PCDHA6: variants seen among roughly 807,000 people sequenced by gnomAD.
The protein encoded by PCDHA6 is protocadherin alpha-6.
Under a neutral mutation model 60.3 loss-of-function variants are expected in PCDHA6, and 55 were observed. The ratio of observed to expected loss-of-function variants is 0.91; its 90% confidence interval spans 0.73 to 1.14. The LOEUF is 1.14. Among genes scored for constraint, PCDHA6 ranks in the 50% most tolerant of loss-of-function variants. PCDHA6 has a pLI of 0.00. For missense variants in PCDHA6, 1,327 were observed against 1,256.5 expected, an observed-to-expected ratio of 1.06 and a Z score of -0.85; for synonymous variants, 652 against 557.9, an observed-to-expected ratio of 1.17 and a Z score of -2.38.
chr5:140,844,721 G>A (rs2150373473), intron 1 of PCDHA6, among the ~76,000 whole-genome samples: 7 of 149,390 alleles, frequency 4.7e-5, no homozygotes, highest in African/African-American at 1.5e-4. Flanking sequence ...CCATTAGTTC[G>A]TGTAAAAATA....
chr5:140,997,375 G>A (rs983164883), intron 3 of PCDHA6, among the ~76,000 whole-genome samples: 1 of 152,066 alleles, frequency 6.6e-6, no homozygotes, highest in Non-Finnish European at 1.5e-5. Flanking sequence ...AGATGATATA[G>A]CATACTACAC....
chr5:140,944,929 C>T (rs1387660974), intron 1 of PCDHA6, among the ~76,000 whole-genome samples: 1 of 152,052 alleles, frequency 6.6e-6, no homozygotes, highest in Non-Finnish European at 1.5e-5. Flanking sequence ...TGGTTTATGC[C>T]TTCTTTAGAT....
rs201142330 is a variant in PCDHA6 at position 140,828,241 on chromosome 5, G to A, written c.150G>A (p.Gln50=). The change falls in exon 1 of 4, where the codon CAG becomes CAA. Residue 50 remains glutamine, a synonymous_variant. Transcript: ENST00000529310. ...GCACCTTCGTGGGCCGGATCGCGCA[G>A]GACCTGGGGCTGGAGCTGGCGGAGC... is the stretch of plus-strand genomic sequence containing the variant. ...KHGTFVGRIA[Q]DLGLELAELV... The A allele has an allele frequency of 1.2e-5, 20 of 1,613,960 alleles. No individual in the cohort carries two copies. The highest frequency in any genetic ancestry group is 6.7e-5 in the East Asian group (3 of 44,892).
chr5:140,918,006 TG>T (rs1358735901), intron 1 of PCDHA6, among the ~76,000 whole-genome samples: 6 of 152,208 alleles, frequency 3.9e-5, no homozygotes, highest in Non-Finnish European at 7.3e-5. Flanking sequence ...TTAACAATGT[TG>T]TTTCTTCCTA....
chr5:140,998,042 C>T (rs187874119), intron 3 of PCDHA6, among the ~76,000 whole-genome samples: 21 of 152,284 alleles, frequency 1.4e-4, no homozygotes, highest in Non-Finnish European at 2.2e-4. Flanking sequence ...TGTCACTTAA[C>T]TCAGTGACAT....
chr5:140,967,472 G>A, intron 1 of PCDHA6: 1 of 1,613,430 alleles, frequency 6.2e-7, no homozygotes, highest in Non-Finnish European at 8.5e-7. Flanking sequence ...GGGCATCCCA[G>A]CCCGCTCGGG....
rs1770730087 is a variant in PCDHA6 at position 140,829,988 on chromosome 5, A to C, written c.1897A>C (p.Thr633Pro). Residue 633 changes from threonine to proline, a missense_variant, in exon 1 of 4, where the codon ACC becomes CCC. Thr to Pro is a conservative substitution (Grantham distance 38). Transcript: ENST00000529310. ...RVGLYTGEISTTRVLDEADSP... is the reference protein window; with the variant it reads ...RVGLYTGEISPTRVLDEADSP... ...GGGGCTGTACACGGGCGAGATCAGC[A>C]CCACTCGTGTCCTGGACGAAGCGGA... The C allele has an allele frequency of 1.9e-6, 3 of 1,613,924 alleles. No individual in the cohort carries two copies. The highest frequency in any genetic ancestry group is 2.5e-6 in the Non-Finnish European group (3 of 1,179,910).
At chr5:140,943,927 A>G (rs1407165466) in intron 1 of PCDHA6, among the ~76,000 whole-genome samples, 2 of 152,236 alleles carry the variant, frequency 1.3e-5, no homozygotes, top group East Asian at 1.9e-4. Flanking sequence ...GAGCAGCTTT[A>G]GAAGTGTGGT....
At chr5:141,009,150 G>T (rs1588228136) in intron 3 of PCDHA6, among the ~76,000 whole-genome samples, 1 of 152,300 alleles carries the variant, frequency 6.6e-6, no homozygotes, top group African/African-American at 2.4e-5. Context: ...CTGCCCTCTT[G>T]CTTGTCTGTA....
chr5:140,846,031 G>A lies in PCDHA6; in HGVS notation c.2394+15546G>A, dbSNP rs2150383784. On this transcript the variant is annotated intron_variant, in intron 1 of 3. Coordinates refer to ENST00000529310, the MANE Select transcript of PCDHA6 (RefSeq NM_018909.4). ...AATCTAAAAGTTATTACGAGTTTAG[G>A]AAAGTCAAGTTAACACCACCTATGT... 1.1e-4 allele frequency among the ~76,000 whole-genome samples: 16 copies of A among 149,690 alleles called. 2 individuals carry two copies. The highest frequency in any genetic ancestry group is 2.4e-4 in the Non-Finnish European group (16 of 66,844).
intron 1 of PCDHA6, among the ~76,000 whole-genome samples, chr5:140,918,383 C>A (rs1227959801): frequency 4.6e-5 from 7 of 152,124 alleles, no homozygotes. Flanking sequence ...CCTTTTATTT[C>A]TTTCTCTTGC....
At chr5:140,870,919 C>A in intron 1 of PCDHA6, 1 of 1,613,952 alleles carries the variant, frequency 6.2e-7, no homozygotes. Context: ...CAACGCGTGG[C>A]TTTCATATGA....
At chr5:140,918,241 G>C (rs1241592397) in intron 1 of PCDHA6, among the ~76,000 whole-genome samples, 4 of 152,162 alleles carry the variant, frequency 2.6e-5, no homozygotes, top group Admixed American at 1.3e-4. Flanking sequence ...CATTGATTTT[G>C]TATGCTGAAA....
At chr5:140,940,497 C>T (rs1314378548) in intron 1 of PCDHA6, among the ~76,000 whole-genome samples, 1 of 151,818 alleles carries the variant, frequency 6.6e-6, no homozygotes, top group Non-Finnish European at 1.5e-5. Context: ...AAGTCTTGCT[C>T]CGTCGCTCAG....
At chr5:140,857,718 A>G in intron 1 of PCDHA6, 1 of 1,597,160 alleles carries the variant, frequency 6.3e-7, no homozygotes, top group Non-Finnish European at 8.6e-7. Context: ...GTGCTGGACG[A>G]GAACGACAAC....
chr5:140,829,211 G>T lies in PCDHA6; in HGVS notation c.1120G>T (p.Val374Leu). The T allele has an allele frequency of 1.2e-6, 2 of 1,614,206 alleles. No individual in the cohort carries two copies. The highest frequency in any genetic ancestry group is 1.7e-6 in the Non-Finnish European group (2 of 1,180,042). ...TGGTACTGTCATCGCCCTAATTAGCGTGAACGACCTCGATTCAGGTGCCAA... is the reference window on the plus strand; with the variant it reads ...TGGTACTGTCATCGCCCTAATTAGCTTGAACGACCTCGATTCAGGTGCCAA... ...QFGTVIALISVNDLDSGANGQ... is the reference protein window; with the variant it reads ...QFGTVIALISLNDLDSGANGQ... Residue 374 changes from valine to leucine, a missense_variant, in exon 1 of 4, where the codon GTG (valine) becomes TTG (leucine). By Grantham distance (32) the Val-to-Leu change is conservative. Coordinates refer to ENST00000529310, the MANE Select transcript of PCDHA6 (RefSeq NM_018909.4).
At position 140,843,439 on chromosome 5, in the gene PCDHA6, G is replaced by C. The variant is rs2150360020; in HGVS notation, c.2394+12954G>C. On this transcript the variant is annotated intron_variant, in intron 1 of 3. Transcript: ENST00000529310. The stretch of plus-strand genomic sequence containing the variant: ...TGTACCTGATCATCGCCATCTGCGC[G>C]GTATCCAGCCTGCTGGTGCTCACGC... The C allele has an allele frequency of 5.1e-5, 82 of 1,595,976 alleles. 7 individuals carry two copies. In the South Asian group the frequency reaches 8.6e-4, roughly 17 times the overall value.
intron 1 of PCDHA6, among the ~76,000 whole-genome samples, chr5:140,939,170 A>G (rs1554212590): frequency 2.0e-5 from 3 of 152,136 alleles, no homozygotes; most frequent in Admixed American, 1.3e-4. Context: ...GTGTCTGGTA[A>G]TGGCCCACTC....
chr5:140,879,720 G>C (rs1275273892), intron 1 of PCDHA6, among the ~76,000 whole-genome samples: 1 of 152,212 alleles, frequency 6.6e-6, no homozygotes, highest in Non-Finnish European at 1.5e-5. Flanking sequence ...TTGGAGACCA[G>C]AAGTCCAAAA....
Sources: gnomAD v4.1 joint callset for allele counts (sites outside exome capture counted in the v4.1 genomes callset) on GRCh38, gnomAD v4.1.1 for gene constraint, MANE v1.5 for transcripts, NCBI Gene and HGNC (gene_info 2026-07-23, HGNC 2026-07-21) for gene names.